The following C1R variants were observed in gnomAD, a reference collection of about 807,000 sequenced individuals.
C1R encodes the protein complement C1r, also known as complement C1r subcomponent.
Under a neutral mutation model 27.6 loss-of-function variants are expected in C1R, and 15 were observed. The observed-to-expected ratio is 0.54, with a 90% CI of 0.36 to 0.84. The LOEUF is 0.84. Among genes scored for constraint, C1R ranks in the 40% least tolerant of loss-of-function variants. The pLI is 0.01. For synonymous variants in C1R, 253 were observed against 228.8 expected (o/e 1.11, Z -0.95); for missense variants, 544 against 577.9 (o/e 0.94, Z 0.60).
At position 7,091,622 on chromosome 12, in the gene C1R, T is replaced by C; in HGVS notation, c.61A>G (p.Ile21Val). 1 of 762,208 alleles carries C rather than the reference T, an allele frequency of 1.3e-6. No homozygotes were observed. Among genetic ancestry groups the C allele is most frequent in the South Asian group, 1.4e-5 (1 of 71,560 alleles). 47.2% of individuals were successfully genotyped at this position (762,208 alleles called of 1,614,324 possible). The change falls in exon 2 of 11, where the codon ATC becomes GTC. Residue 21 changes from isoleucine (I) to valine (V), a missense_variant. Ile to Val is a conservative substitution (Grantham distance 29). This residue lies in a region of C1R where 291 missense variants were observed against 209.0 expected (regional missense o/e 1.39). Coordinates refer to ENST00000647956, the MANE Select transcript of C1R (RefSeq NM_001733.7). This position sits in a 1 kb window ranked among gnomAD's most constrained non-coding sequence, Gnocchi z 5.1. The part of the protein sequence containing the change: ...LFCRAGGSIP[I>V]PQKLFGEVTS... Reference sequence around the variant, plus strand: ...ACCTCCCCAAATAACTTCTGAGGGATGGGAATGGAGCCTCCTGCCCTGCAG... The same window carrying C: ...ACCTCCCCAAATAACTTCTGAGGGACGGGAATGGAGCCTCCTGCCCTGCAG...
intron 7 of C1R, 97 bp from the exon 8 acceptor site, chr12:7,086,554 A>C: frequency 2.5e-6 from 1 of 395,028 alleles, no homozygotes; most frequent in Non-Finnish European, 4.5e-6. Flanking sequence ...ATACCAAGAC[A>C]TCTCTTGGCT....
chr12:7,092,069 G>C (rs1482536008), intron 1 of C1R: 1 of 576,034 alleles, frequency 1.7e-6, no homozygotes, highest in Non-Finnish European at 3.1e-6. Flanking sequence ...AAGAGCGTCT[G>C]GGAGAAACCA....
Position 7,088,975 on chromosome 12 carries a change from G to T in C1R, c.780C>A (p.Asn260Lys), listed in dbSNP as rs370963766. The T allele has an allele frequency of 4.0e-6, 3 of 745,322 alleles. No homozygotes were observed. The highest frequency in any genetic ancestry group is 7.5e-6 in the Non-Finnish European group (3 of 401,302). 46.2% of individuals were successfully genotyped at this position (745,322 alleles called of 1,614,324 possible). ...CACAGAACTCGCCAATGTTCTTCCC[G>T]TTGGCATAGATCTAGTAGGGGAGGA... ...CPYDQLQIYA[N>K]GKNIGEFCGK... The change falls in exon 6 of 11, where the codon AAC (asparagine) becomes AAA (lysine). Residue 260 changes from asparagine (N) to lysine (K), a missense_variant. Around this residue, in one of 2 missense-constraint regions of C1R, gnomAD observed 291 missense variants for 209.0 expected, o/e 1.39. Transcript: ENST00000647956.
intron 4 of C1R, 42 bp downstream of exon 4, chr12:7,089,545 C>T (rs756745476): frequency 1.3e-6 from 1 of 780,558 alleles, no homozygotes. Flanking sequence ...CCAGCAAGCC[C>T]TGGCTCAACC....
At chr12:7,090,917 T>C (rs1253221547) in intron 2 of C1R, among the ~76,000 whole-genome samples, 1 of 152,226 alleles carries the variant, frequency 6.6e-6, no homozygotes, top group Non-Finnish European at 1.5e-5. Context: ...TGGTAGTTGT[T>C]GGACCTTCGC....
Position 7,081,118 on chromosome 12 carries a change from G to A in C1R, c.1532C>T (p.Ala511Val), listed in dbSNP as rs185368296. The change falls in exon 11 of 11, where the codon GCG (alanine) becomes GTG (valine). Residue 511 changes from alanine to valine, a missense_variant. By Grantham distance (64) the Ala-to-Val change is moderately conservative. Around this residue, in one of 2 missense-constraint regions of C1R, gnomAD observed 253 missense variants for 368.9 expected, o/e 0.69. Transcript: ENST00000647956. Reference sequence around the variant, plus strand: ...CACATCCAAAGAGGCGTTGCTTTGCGCTTCGTGTTCCTTGGGATACAGGGT... The same window carrying A: ...CACATCCAAAGAGGCGTTGCTTTGCACTTCGTGTTCCTTGGGATACAGGGT... ...AHTLYPKEHE[A>V]QSNASLDVFL... is the part of the protein sequence containing the mutation. 7.1e-5 allele frequency: 115 copies of A among 1,614,008 alleles called. No homozygotes were observed. Among genetic ancestry groups the A allele is most frequent in the Admixed American group, 6.3e-4 (38 of 60,018 alleles).
At chr12:7,087,230 T>G (rs1182898723) in intron 7 of C1R, 2 of 152,344 alleles carry the variant, frequency 1.3e-5, no homozygotes, top group Non-Finnish European at 2.9e-5. Flanking sequence ...CTGGGCATGG[T>G]GGCGCACGCC....
At chr12:7,082,185 G>C in intron 9 of C1R, 79 bp from the exon 10 acceptor site, 1 of 805,922 alleles carries the variant, frequency 1.2e-6, no homozygotes, top group East Asian at 2.7e-5. Flanking sequence ...CAAGTACTGA[G>C]TGTGCTTGAT....
At position 7,091,755 on chromosome 12, in the gene C1R, G is replaced by A. The variant is rs779040377; in HGVS notation, c.3-75C>T. On this transcript the variant is annotated intron_variant, in intron 1 of 10. Coordinates refer to ENST00000647956, the MANE Select transcript of C1R (RefSeq NM_001733.7). This position sits in a 1 kb window ranked among gnomAD's most constrained non-coding sequence, Gnocchi z 5.1. ...GCCATGTGGGCAGTGGCTGTGGCAGGGGATGAGACGGCCATACCACTGGGC... is the reference window on the plus strand; with the variant it reads ...GCCATGTGGGCAGTGGCTGTGGCAGAGGATGAGACGGCCATACCACTGGGC... The A allele has an allele frequency of 4.2e-6, 3 of 716,630 alleles. No individual in the cohort carries two copies. The highest frequency in any genetic ancestry group is 7.8e-6 in the Non-Finnish European group (3 of 385,070). The allele number at this position is 716,630 out of a possible 1,614,324, so 44.4% of individuals were successfully genotyped here.
intron 7 of C1R, chr12:7,088,383 TGGCTATTCACAGG>T: frequency 1.4e-6 from 1 of 700,298 alleles, no homozygotes; most frequent in Admixed American, 2.0e-5. Flanking sequence ...TGGAGTGCAG[TGGCTATTCACAGG>T]GGCCTTGAAT....
intron 9 of C1R, among the ~76,000 whole-genome samples, chr12:7,083,174 G>A (rs1454686820): frequency 6.6e-6 from 1 of 152,216 alleles, no homozygotes. Flanking sequence ...TGAGTTAGCT[G>A]TAGTGGTCAT....
intron 7 of C1R, chr12:7,087,854 C>A (rs768647865): frequency 6.4e-6 from 1 of 155,066 alleles, no homozygotes; most frequent in East Asian, 1.9e-4. Context: ...TATCCTAGGT[C>A]TCTTCTTTGA....
Position 7,081,229 on chromosome 12 carries a change from T to G in C1R, c.1421A>C (p.Asn474Thr). The change falls in exon 11 of 11, where the codon AAC (asparagine) becomes ACC (threonine). Residue 474 changes from asparagine (N) to threonine (T), a missense_variant. This residue lies in a region of C1R where 253 missense variants were observed against 368.9 expected (regional missense o/e 0.69). Transcript: ENST00000647956. ...GTTGGTGAACACCTGCCAGGGGAAG[T>G]TGCCCATCTTGGCTTTTTGCCCTCC... is the stretch of plus-strand genomic sequence containing the variant. ...IIGGQKAKMGNFPWQVFTNIH... is the reference protein window; with the variant it reads ...IIGGQKAKMGTFPWQVFTNIH... 6.2e-7 allele frequency: 1 copy of G among 1,613,144 alleles called. No individual in the cohort carries two copies. The highest frequency in any genetic ancestry group is 8.5e-7 in the Non-Finnish European group (1 of 1,179,518).
intron 5 of C1R, 28 bp downstream of exon 5, chr12:7,089,265 G>C: frequency 1.3e-6 from 1 of 776,078 alleles, no homozygotes; most frequent in African/African-American, 1.7e-5. Context: ...GGGGAGGAAG[G>C]GGTCTTTCAG....
intron 10 of C1R, 100 bp downstream of exon 10, chr12:7,081,932 C>T: frequency 2.1e-6 from 2 of 964,868 alleles, no homozygotes; most frequent in Admixed American, 2.2e-5. Flanking sequence ...GGGATGTTCC[C>T]CTCTTCTCTC....
rs1938032752 is a variant in C1R at position 7,080,466 on chromosome 12, G to A, written c.*66C>T. 2 of 1,508,766 alleles carry A rather than the reference G, an allele frequency of 1.3e-6. No individual in the cohort carries two copies. Among genetic ancestry groups the A allele is most frequent in the Middle Eastern group, 1.8e-4 (1 of 5,574 alleles). The allele number at this position is 1,508,766 out of a possible 1,614,324, so 93.5% of individuals were successfully genotyped here. A position where few individuals can be genotyped will look rare whatever the true frequency, so the allele number is the denominator to read the frequency against. ...GACTCTTAGTGGTTATCAACAACTG[G>A]TCAGTTGTTTTTTGTTTTTTTTTTT... On this transcript the variant is annotated 3_prime_UTR_variant, in exon 11 of 11. Coordinates refer to ENST00000647956, the MANE Select transcript of C1R (RefSeq NM_001733.7). The surrounding 1 kb of genome is among the most constrained non-coding windows in gnomAD (Gnocchi z 4.9).
Position 7,091,775 on chromosome 12 carries a change from C to G in C1R, c.3-95G>C, listed in dbSNP as rs1938281765. On this transcript the variant is annotated intron_variant, in intron 1 of 10. Transcript: ENST00000647956. This position sits in a 1 kb window ranked among gnomAD's most constrained non-coding sequence, Gnocchi z 5.1. ...GGCAGGGGATGAGACGGCCATACCA[C>G]TGGGCATTCTCCTCTCTGCCCACCC... 4.2e-6 allele frequency: 3 copies of G among 714,934 alleles called. No individual in the cohort carries two copies. The highest frequency in any genetic ancestry group is 5.4e-5 in the East Asian group (2 of 37,268). 44.3% of individuals were successfully genotyped at this position (714,934 alleles called of 1,614,324 possible).
intron 1 of C1R, 156 bp downstream of exon 1, chr12:7,092,231 T>C (rs929388488): frequency 1.4e-5 from 10 of 693,222 alleles, no homozygotes; most frequent in Non-Finnish European, 2.2e-5. Flanking sequence ...GGAGGAGGGA[T>C]GGGGCGTGTG....
rs144877432 is a variant in C1R at position 7,082,383 on chromosome 12, G to A, written c.1274-277C>T. Among the ~76,000 whole-genome samples the A allele has an allele frequency of 1.8e-3, 278 of 152,086 alleles. 1 individual carries two copies. In the East Asian group the frequency reaches 0.028, roughly 15 times the overall value. The stretch of plus-strand genomic sequence containing the variant: ...GTCTCACTCTGTTGCCCAGGCTGGA[G>A]TGCAGTGGCGCAATCTCGGCTTACT... On this transcript the variant is annotated intron_variant, in intron 9 of 10. Transcript: ENST00000647956.
Sources: allele counts gnomAD v4.1 joint callset (sites outside exome capture counted in the v4.1 genomes callset), GRCh38; gene constraint gnomAD v4.1.1; regional missense constraint gnomAD v4.1.1; non-coding constraint Gnocchi (gnomAD v3.1); transcripts MANE v1.5; gene names NCBI Gene and HGNC (gene_info 2026-07-23, HGNC 2026-07-21).